Variants in NEK6 observed in about 807,000 individuals in gnomAD.
NEK6 encodes the protein NIMA related kinase 6.
In NEK6, 27 loss-of-function variants were observed where a neutral mutation model predicts 43.5. The ratio of observed to expected loss-of-function variants is 0.62; its 90% CI spans 0.46 to 0.86. The LOEUF is 0.86. Among genes scored for constraint, NEK6 ranks in the 40% least tolerant of loss-of-function variants. The probability of loss-of-function intolerance (pLI) is 0.00; values close to 1 mark genes in which losing one functional copy is unlikely to be tolerated. For synonymous variants in NEK6, 167 were observed against 164.1 expected (o/e 1.02, Z -0.14); for missense variants, 318 against 414.4 (o/e 0.77, Z 2.02).
At chr9:124,346,095 CAGAG>C (rs1829911322) in intron 8 of NEK6, among the ~76,000 whole-genome samples, 1 of 152,206 alleles carries the variant, frequency 6.6e-6, no homozygotes, top group Non-Finnish European at 1.5e-5. Flanking sequence ...AGCCGGAAGA[CAGAG>C]GTGATGCTGT....
intron 2 of NEK6, among the ~76,000 whole-genome samples, chr9:124,303,491 C>T (rs1833099598): frequency 6.6e-6 from 1 of 152,214 alleles, no homozygotes; most frequent in Non-Finnish European, 1.5e-5. Flanking sequence ...AAGCCATGCT[C>T]CCTGGTGGAC....
At chr9:124,317,802 C>T (rs1337877764) in intron 4 of NEK6, among the ~76,000 whole-genome samples, 1 of 152,196 alleles carries the variant, frequency 6.6e-6, no homozygotes, top group African/African-American at 2.4e-5. Context: ...TGTTATTTCT[C>T]TTAGGATAAT....
chr9:124,321,017 C>T (rs1834037832), intron 4 of NEK6, among the ~76,000 whole-genome samples: 1 of 152,316 alleles, frequency 6.6e-6, no homozygotes, highest in South Asian at 2.1e-4. Context: ...GATGGTCCTT[C>T]TGAGGAGCAC....
At chr9:124,307,579 A>G (rs1285991822) in intron 2 of NEK6, among the ~76,000 whole-genome samples, 1 of 152,208 alleles carries the variant, frequency 6.6e-6, no homozygotes, top group Non-Finnish European at 1.5e-5. Context: ...CCGCAGGGTC[A>G]GCCTCCCTGT....
chr9:124,349,660 G>T (rs528890832), intron 9 of NEK6, among the ~76,000 whole-genome samples: 2 of 152,210 alleles, frequency 1.3e-5, no homozygotes, highest in South Asian at 4.1e-4. Context: ...ACAACTGTGC[G>T]TTTACTTCAT....
chr9:124,315,800 A>T (rs1157306445), intron 4 of NEK6, among the ~76,000 whole-genome samples: 5 of 152,238 alleles, frequency 3.3e-5, no homozygotes, highest in African/African-American at 1.2e-4. Context: ...CAGGGCTGCC[A>T]TGCAGCCAAG....
intron 1 of NEK6, among the ~76,000 whole-genome samples, chr9:124,276,717 C>G (rs1346733689): frequency 6.6e-6 from 1 of 152,264 alleles, no homozygotes; most frequent in African/African-American, 2.4e-5. Context: ...AATAATTCCT[C>G]CTCCTATTGC....
At chr9:124,276,730 T>G (rs539834374) in intron 1 of NEK6, among the ~76,000 whole-genome samples, 3 of 152,256 alleles carry the variant, frequency 2.0e-5, no homozygotes, top group African/African-American at 7.2e-5. Context: ...CCTATTGCTA[T>G]TGTGGCTCGT....
intron 4 of NEK6, among the ~76,000 whole-genome samples, chr9:124,315,717 G>A (rs577020835): frequency 6.6e-5 from 10 of 152,262 alleles, no homozygotes; most frequent in East Asian, 1.9e-4. Context: ...ATGTGCCACC[G>A]CAGCCCCTGC....
At chr9:124,270,168 G>A (rs1234395092) in intron 1 of NEK6, among the ~76,000 whole-genome samples, 3 of 152,086 alleles carry the variant, frequency 2.0e-5, no homozygotes, top group African/African-American at 4.8e-5. Context: ...TGCCTGTTGC[G>A]TTACTTCTCT....
chr9:124,350,811 A>C, intron 9 of NEK6, 26 bp from the exon 10 acceptor site: 2 of 1,558,420 alleles, frequency 1.3e-6, no homozygotes, highest in South Asian at 1.1e-5. Flanking sequence ...TTTCTTGAGA[A>C]TAACACACCA....
intron 7 of NEK6, among the ~76,000 whole-genome samples, chr9:124,332,905 C>G (rs1032228108): frequency 6.6e-6 from 1 of 152,174 alleles, no homozygotes; most frequent in African/African-American, 2.4e-5. Flanking sequence ...CTCCGTCCCC[C>G]ACCAAGAGGA....
intron 7 of NEK6, among the ~76,000 whole-genome samples, chr9:124,339,028 T>G (rs1829441771): frequency 7.0e-6 from 1 of 142,640 alleles, no homozygotes; most frequent in African/African-American, 2.6e-5. Context: ...GATTTTTTTT[T>G]TTTTTTTTTT....
intron 1 of NEK6, among the ~76,000 whole-genome samples, chr9:124,270,292 A>G (rs1412701896): frequency 6.6e-6 from 1 of 152,132 alleles, no homozygotes. Flanking sequence ...CTAGAAGTTC[A>G]CCCCACAAGA....
intron 1 of NEK6, among the ~76,000 whole-genome samples, chr9:124,280,856 G>A (rs1831872792): frequency 2.0e-5 from 3 of 152,114 alleles, no homozygotes; most frequent in Non-Finnish European, 4.4e-5. Flanking sequence ...GTAGTGTCGT[G>A]ATCTCGGCTC....
At chr9:124,339,423 G>C in intron 7 of NEK6, 148 bp from the exon 8 acceptor site, 1 of 685,244 alleles carries the variant, frequency 1.5e-6, no homozygotes, top group Non-Finnish European at 2.7e-6. Context: ...ACAGAGGAAG[G>C]CCCAGGCCCA....
chr9:124,345,652 A>C (rs1354324089), intron 8 of NEK6, among the ~76,000 whole-genome samples: 2 of 152,170 alleles, frequency 1.3e-5, no homozygotes, highest in Non-Finnish European at 2.9e-5. Flanking sequence ...GGGGTCAGCC[A>C]CATGAAAAAC....
intron 2 of NEK6, among the ~76,000 whole-genome samples, chr9:124,302,346 A>G (rs555963953): frequency 6.6e-6 from 1 of 152,272 alleles, no homozygotes; most frequent in East Asian, 1.9e-4. Context: ...AGGGATCAGC[A>G]TGGTTGGAAG....
chr9:124,291,283 G>C (rs1414831443), intron 1 of NEK6, among the ~76,000 whole-genome samples: 1 of 152,156 alleles, frequency 6.6e-6, no homozygotes, highest in Admixed American at 6.5e-5. Context: ...GGCAACCAAG[G>C]ATTTGGGCCC....
Sources: allele counts gnomAD v4.1 joint callset (sites outside exome capture counted in the v4.1 genomes callset), GRCh38; gene constraint gnomAD v4.1.1; transcripts MANE v1.5; gene names NCBI Gene and HGNC (gene_info 2026-07-23, HGNC 2026-07-21).